The following PSMC6 variants were observed in gnomAD, a reference collection of about 807,000 sequenced individuals.
PSMC6 encodes the protein 26S proteasome regulatory subunit 10B.
A neutral mutation model predicts 55.9 loss-of-function variants in PSMC6; 3 were observed. That is an observed-to-expected ratio of 0.05 (90% CI 0.02 to 0.14). The LOEUF is 0.14. Ranked by LOEUF, PSMC6 falls within the 10% of genes least tolerant of loss-of-function variation. PSMC6 has a pLI of 1.00. For missense variants in PSMC6, 210 were observed against 478.7 expected (o/e 0.44, Z 5.24); for synonymous variants, 137 against 155.9 (o/e 0.88, Z 0.90).
chr14:52,718,427 C>A, intron 9 of PSMC6, 75 bp downstream of exon 9: 1 of 1,451,000 alleles, frequency 6.9e-7, no homozygotes, highest in Non-Finnish European at 9.4e-7. Flanking sequence ...CTCTCTTAAT[C>A]TGTAATTGTG....
intron 4 of PSMC6, chr14:52,710,898 G>T: frequency 1.7e-6 from 1 of 580,522 alleles, no homozygotes; most frequent in Non-Finnish European, 3.1e-6. Context: ...TTACACAAAG[G>T]GGCATGCTTT....
At chr14:52,724,839 G>A (rs1227373372) in intron 13 of PSMC6, among the ~76,000 whole-genome samples, 4 of 152,072 alleles carry the variant, frequency 2.6e-5, no homozygotes, top group Admixed American at 1.3e-4. Context: ...GACTTTATAG[G>A]TTATAGATTT....
At chr14:52,708,918 A>C in intron 4 of PSMC6, 102 bp downstream of exon 4, 1 of 1,513,290 alleles carries the variant, frequency 6.6e-7, no homozygotes, top group South Asian at 1.2e-5. Flanking sequence ...ATTTATGCCC[A>C]TAACTCACAA....
intron 4 of PSMC6, chr14:52,710,823 C>A: frequency 5.1e-6 from 2 of 393,526 alleles, no homozygotes; most frequent in Non-Finnish European, 4.6e-6. Flanking sequence ...TAGCAATTCC[C>A]AAAGTCACTG....
chr14:52,710,991 T>C, intron 4 of PSMC6, 110 bp from the exon 5 acceptor site: 3 of 936,200 alleles, frequency 3.2e-6, no homozygotes, highest in Non-Finnish European at 5.1e-6. Flanking sequence ...GATATTTGTG[T>C]TCTCTCTGGA....
intron 3 of PSMC6, 119 bp downstream of exon 3, chr14:52,708,641 T>TA: frequency 6.5e-7 from 1 of 1,532,462 alleles, no homozygotes; most frequent in Non-Finnish European, 8.9e-7. Context: ...TGAATAGACT[T>TA]AAGTTTTCCT....
intron 4 of PSMC6, 58 bp downstream of exon 4, chr14:52,708,874 A>G: frequency 6.3e-7 from 1 of 1,597,490 alleles, no homozygotes; most frequent in Non-Finnish European, 8.5e-7. Flanking sequence ...CATGTAAGTT[A>G]TTGTCTCTAA....
intron 4 of PSMC6, chr14:52,710,851 G>A (rs2139837715): frequency 2.1e-6 from 1 of 475,836 alleles, no homozygotes; most frequent in South Asian, 2.3e-5. Context: ...GCTGCCTCAA[G>A]CTTTGTGTGT....
chr14:52,714,429 G>A (rs1257034813), intron 7 of PSMC6, among the ~76,000 whole-genome samples: 13 of 152,114 alleles, frequency 8.5e-5, no homozygotes, highest in Non-Finnish European at 1.8e-4. Context: ...TGTTCTTTGA[G>A]GCATGCTTAG....
intron 6 of PSMC6, among the ~76,000 whole-genome samples, chr14:52,712,057 A>T (rs1342517981): frequency 1.3e-5 from 2 of 152,232 alleles, no homozygotes; most frequent in Non-Finnish European, 2.9e-5. Context: ...ACTTCATAGC[A>T]CAGACAGCTT....
chr14:52,723,801 AC>A, intron 12 of PSMC6, 163 bp from the exon 13 acceptor site: 1 of 1,403,290 alleles, frequency 7.1e-7, no homozygotes, highest in Non-Finnish European at 9.3e-7. Flanking sequence ...GGTTTATTTA[AC>A]AGAAGTCTTA....
intron 9 of PSMC6, chr14:52,718,691 C>T: frequency 2.4e-6 from 1 of 415,534 alleles, no homozygotes; most frequent in Non-Finnish European, 4.4e-6. Context: ...GAGGCTGAGG[C>T]ACGAGAATCG....
intron 13 of PSMC6, among the ~76,000 whole-genome samples, chr14:52,726,183 G>T (rs901084077): frequency 6.6e-6 from 1 of 152,074 alleles, no homozygotes; most frequent in African/African-American, 2.4e-5. Context: ...CTCAAAATCT[G>T]GGACCCATAT....
intron 6 of PSMC6, among the ~76,000 whole-genome samples, chr14:52,712,296 A>G (rs1344335115): frequency 1.3e-5 from 2 of 151,806 alleles, no homozygotes; most frequent in Non-Finnish European, 2.9e-5. Flanking sequence ...GGGGGTAGGC[A>G]CAGGAATTAG....
intron 4 of PSMC6, 87 bp downstream of exon 4, chr14:52,708,903 G>A: frequency 6.4e-7 from 1 of 1,568,492 alleles, no homozygotes; most frequent in African/African-American, 1.4e-5. Flanking sequence ...GCAAGCAGGT[G>A]GAGCATTTAT....
chr14:52,711,587 T>A, intron 6 of PSMC6, 63 bp downstream of exon 6: 1 of 1,140,444 alleles, frequency 8.8e-7, no homozygotes, highest in Non-Finnish European at 1.3e-6. Context: ...TTAGGATTCT[T>A]AACAGGAGAA....
At chr14:52,722,891 G>A (rs1880256671) in intron 12 of PSMC6, 1 of 152,018 alleles carries the variant, frequency 6.6e-6, no homozygotes, top group Admixed American at 6.6e-5. Flanking sequence ...TTTACTCTCT[G>A]GCCCTTTACA....
intron 6 of PSMC6, among the ~76,000 whole-genome samples, chr14:52,712,549 TACTTTAC>T (rs2041785130): frequency 6.6e-6 from 1 of 152,142 alleles, no homozygotes; most frequent in South Asian, 2.1e-4. Context: ...TGTCTGCAGA[TACTTTAC>T]ACTTTAGAGT....
chr14:52,707,233 G>A lies in PSMC6; in HGVS notation c.14G>A (p.Arg5Lys), dbSNP rs753009195. The A allele has an allele frequency of 6.2e-7, 1 of 1,613,800 alleles. No homozygotes were observed. Among genetic ancestry groups the A allele is most frequent in the African/African-American group, 1.3e-5 (1 of 74,944 alleles). MADP[R>K]DKALQDYRKK... ...CGGCTTCTCATCATGGCGGACCCTA[G>A]AGATAAGGCGCTTCAGGACTACCGC... Residue 5 changes from arginine to lysine, a missense_variant, in exon 1 of 14, where the codon AGA becomes AAA. Transcript: ENST00000445930.
Sources: gnomAD v4.1 joint callset for allele counts (sites outside exome capture counted in the v4.1 genomes callset) on GRCh38, gnomAD v4.1.1 for gene constraint, MANE v1.5 for transcripts, NCBI Gene and HGNC (gene_info 2026-07-23, HGNC 2026-07-21) for gene names.